Variants in NTM observed in about 807,000 individuals in gnomAD.
NTM encodes the protein IgLON family member 2.
Under a neutral mutation model 42.1 loss-of-function variants are expected in NTM, and 13 were observed. The observed-to-expected ratio is 0.31, with a 90% CI of 0.20 to 0.49. NTM has a LOEUF of 0.49. Among genes scored for constraint, NTM ranks in the 20% least tolerant of loss-of-function variants. NTM has a pLI of 0.99. For missense variants in NTM, 373 were observed against 452.8 expected (o/e 0.82, Z 1.60); for synonymous variants, 187 against 179.2 (o/e 1.04, Z -0.35).
intron 4 of NTM, among the ~76,000 whole-genome samples, chr11:132,261,071 C>T (rs1196854995): frequency 6.6e-6 from 1 of 152,142 alleles, no homozygotes; most frequent in Non-Finnish European, 1.5e-5. Flanking sequence ...TGTCTGTTAG[C>T]CTGATGTGAA....
intron 1 of NTM, among the ~76,000 whole-genome samples, chr11:131,505,260 T>C (rs1327309522): frequency 1.3e-5 from 2 of 152,180 alleles, no homozygotes; most frequent in Non-Finnish European, 2.9e-5. Flanking sequence ...ATGGTAACTA[T>C]CAAACAAGTA....
chr11:132,166,240 G>C (rs999409998), intron 3 of NTM, among the ~76,000 whole-genome samples: 1 of 152,082 alleles, frequency 6.6e-6, no homozygotes, highest in Non-Finnish European at 1.5e-5. Flanking sequence ...TTAGTTCCAG[G>C]TGTCATTTAC....
intron 2 of NTM, among the ~76,000 whole-genome samples, chr11:131,993,872 G>A (rs756956029): frequency 2.0e-5 from 3 of 151,724 alleles, no homozygotes; most frequent in Non-Finnish European, 4.4e-5. Flanking sequence ...GTGCGGTGGT[G>A]TGTGCCTGTA....
At chr11:132,006,223 G>A (rs2070747229) in intron 2 of NTM, among the ~76,000 whole-genome samples, 1 of 152,106 alleles carries the variant, frequency 6.6e-6, no homozygotes, top group African/African-American at 2.4e-5. Flanking sequence ...AAAACCCAGG[G>A]AGACCTAGCA....
chr11:131,825,298 C>G (rs147196463), intron 1 of NTM, among the ~76,000 whole-genome samples: 1 of 151,500 alleles, frequency 6.6e-6, no homozygotes, highest in East Asian at 2.0e-4. Context: ...CTTAATTTAA[C>G]TAATTACACC....
chr11:132,188,307 A>T (rs2078755365), intron 3 of NTM, among the ~76,000 whole-genome samples: 1 of 152,188 alleles, frequency 6.6e-6, no homozygotes, highest in Admixed American at 6.5e-5. Context: ...TAGGAGACAA[A>T]GCTGAAGACT....
intron 3 of NTM, among the ~76,000 whole-genome samples, chr11:132,192,668 AT>A (rs1566432457): frequency 6.6e-6 from 1 of 152,198 alleles, no homozygotes; most frequent in Non-Finnish European, 1.5e-5. Flanking sequence ...GACATTGAAT[AT>A]AAATGAGATA....
At chr11:131,802,288 G>T (rs1329870228) in intron 1 of NTM, among the ~76,000 whole-genome samples, 1 of 151,644 alleles carries the variant, frequency 6.6e-6, no homozygotes, top group Non-Finnish European at 1.5e-5. Context: ...TTCCTTTCTT[G>T]TTTCCTTTCC....
intron 1 of NTM, among the ~76,000 whole-genome samples, chr11:131,783,877 G>A (rs2088640705): frequency 6.6e-6 from 1 of 152,120 alleles, no homozygotes; most frequent in Non-Finnish European, 1.5e-5. Flanking sequence ...TATTATCAAT[G>A]CATTTATTTG....
chr11:131,893,915 C>T (rs886107057), intron 1 of NTM, among the ~76,000 whole-genome samples: 4 of 152,110 alleles, frequency 2.6e-5, no homozygotes, highest in Non-Finnish European at 5.9e-5. Flanking sequence ...TGGAAGAGGG[C>T]GCATGTTTCT....
At position 131,381,411 on chromosome 11, in the gene NTM, A is replaced by G. The variant is rs1002141894; in HGVS notation, c.82+10523A>G. ...TTTTTCTCAATGCAACTGGTGATAC[A>G]CGAATATTTATAGTTGGATAAACCA... On this transcript the variant is annotated intron_variant, in intron 1 of 8. Coordinates refer to ENST00000683400, the MANE Select transcript of NTM (RefSeq NM_001352005.2). Among the ~76,000 whole-genome samples, 4 of 152,212 alleles carry G rather than the reference A, an allele frequency of 2.6e-5. No homozygotes were observed. The South Asian group carries it at 6.2e-4, about 24-fold the overall frequency.
chr11:131,747,953 T>C (rs2082021168), intron 1 of NTM, among the ~76,000 whole-genome samples: 1 of 152,184 alleles, frequency 6.6e-6, no homozygotes, highest in Non-Finnish European at 1.5e-5. Context: ...GGCCCTCCAC[T>C]GTACTCGCCG....
intron 2 of NTM, chr11:131,981,149 G>A (rs2065168004): frequency 6.6e-6 from 1 of 152,202 alleles, no homozygotes; most frequent in African/African-American, 2.4e-5. Flanking sequence ...ACTGCAGCCT[G>A]AAGAGTCAAC....
At chr11:131,995,903 G>C (rs1455287491) in intron 2 of NTM, among the ~76,000 whole-genome samples, 2 of 152,222 alleles carry the variant, frequency 1.3e-5, no homozygotes, top group East Asian at 1.9e-4. Context: ...GCTGAATGAG[G>C]GGTCTGGCAT....
chr11:132,086,107 G>A (rs955439942), intron 2 of NTM, among the ~76,000 whole-genome samples: 1 of 151,874 alleles, frequency 6.6e-6, no homozygotes, highest in African/African-American at 2.4e-5. Flanking sequence ...GGTGGATCAC[G>A]AGGTCAGGAG....
rs1419832904 is a variant in NTM, at chr11:132,323,832, C to G, written c.935-6321C>G. On this transcript the variant is annotated intron_variant, in intron 7 of 8. Transcript: ENST00000683400. ...CATCAAAAAGCTTATCCACCATGAT[C>G]AAGTGGGCTTCATCCCTGGGATGCA... is the stretch of plus-strand genomic sequence containing the variant. Among the ~76,000 whole-genome samples, 193 of 151,634 alleles carry G rather than the reference C, an allele frequency of 1.3e-3. 2 individuals carry two copies. In the Middle Eastern group the frequency reaches 0.017, roughly 13 times the overall value.
intron 3 of NTM, among the ~76,000 whole-genome samples, chr11:132,171,043 G>T (rs2076043345): frequency 6.6e-6 from 1 of 152,262 alleles, no homozygotes; most frequent in Admixed American, 6.5e-5. Flanking sequence ...TGGGGTGCAA[G>T]AATCGTTCAC....
chr11:131,393,532 A>C (rs1417127527), intron 1 of NTM, among the ~76,000 whole-genome samples: 1 of 152,102 alleles, frequency 6.6e-6, no homozygotes, highest in Non-Finnish European at 1.5e-5. Flanking sequence ...GGCAGCAGCA[A>C]CCGCCCATCC....
At chr11:132,208,679 A>C (rs746070870) in intron 3 of NTM, among the ~76,000 whole-genome samples, 1 of 152,196 alleles carries the variant, frequency 6.6e-6, no homozygotes, top group Non-Finnish European at 1.5e-5. Context: ...GCAGGAAGCC[A>C]GGAAAATGAA....
Sources: gnomAD v4.1 joint callset for allele counts (sites outside exome capture counted in the v4.1 genomes callset) on GRCh38, gnomAD v4.1.1 for gene constraint, MANE v1.5 for transcripts, NCBI Gene and HGNC (gene_info 2026-07-23, HGNC 2026-07-21) for gene names.